The following AKAP4 variants were observed in gnomAD, a reference collection of about 807,000 sequenced individuals.
AKAP4 encodes A-kinase anchoring protein 4.
A neutral mutation model predicts 42.6 loss-of-function variants in AKAP4; 4 were observed. The ratio of observed to expected loss-of-function variants is 0.09; its 90% CI spans 0.05 to 0.22. The LOEUF is 0.22. AKAP4 is among the 10% of genes least tolerant of loss of function. AKAP4 has a pLI of 1.00. For missense variants in AKAP4, 551 were observed against 630.7 expected (o/e 0.87, Z 1.35); for synonymous variants, 223 against 233.0 (o/e 0.96, Z 0.39).
rs199717347 is a variant in AKAP4, at chrX:50,194,169, C to T, written c.544G>A (p.Ala182Thr). ...PQNLRLEMTA[A>T]KNTNNNQSPS... Reference sequence around the variant, plus strand: ...CTTTGATTATTGTTGGTGTTTTTAGCTGCTGTCATTTCTAGACGTAGGTTT... The same window carrying T: ...CTTTGATTATTGTTGGTGTTTTTAGTTGCTGTCATTTCTAGACGTAGGTTT... The change falls in exon 5 of 6, where the codon GCT becomes ACT. Residue 182 changes from alanine to threonine, a missense_variant. Coordinates refer to ENST00000358526, the MANE Select transcript of AKAP4 (RefSeq NM_003886.3). The T allele has an allele frequency of 6.6e-6, 8 of 1,209,833 alleles. No individual in the cohort carries two copies. In the East Asian group the frequency reaches 2.1e-4, roughly 31 times the overall value.
intron 1 of AKAP4, among the ~76,000 whole-genome samples, chrX:50,199,045 A>G (rs1935227612): frequency 9.0e-6 from 1 of 111,289 alleles, no homozygotes; most frequent in Non-Finnish European, 1.9e-5. Flanking sequence ...TTAAAAGGAA[A>G]TCTAGTGACT....
At chrX:50,195,619 A>T (rs1935180691) in intron 4 of AKAP4, among the ~76,000 whole-genome samples, 1 of 110,303 alleles carries the variant, frequency 9.1e-6, no homozygotes, top group Non-Finnish European at 1.9e-5. Context: ...ACTGCATCTG[A>T]CTCTGTATGA....
At chrX:50,196,633 G>C (rs948809035) in intron 4 of AKAP4, among the ~76,000 whole-genome samples, 5 of 111,663 alleles carry the variant, frequency 4.5e-5, no homozygotes, top group African/African-American at 1.6e-4. Flanking sequence ...AAATAGTCTT[G>C]TGTGATTATG....
chrX:50,193,233 C>T lies in AKAP4; in HGVS notation c.1480G>A (p.Glu494Lys). The part of the protein sequence containing the change: ...SDPCKSLTSA[E>K]KVGEHILKEG... ...TTGAGAATGTGTTCACCGACTTTCTCAGCACTAGTCAGTGACTTGCATGGG... is the reference window on the plus strand; with the variant it reads ...TTGAGAATGTGTTCACCGACTTTCTTAGCACTAGTCAGTGACTTGCATGGG... Residue 494 changes from glutamate (E) to lysine (K), a missense_variant, in exon 5 of 6, where the codon GAG becomes AAG. Coordinates refer to ENST00000358526, the MANE Select transcript of AKAP4 (RefSeq NM_003886.3). 8.3e-7 allele frequency: 1 copy of T among 1,211,762 alleles called. No individual in the cohort carries two copies.
chrX:50,193,546 G>A lies in AKAP4; in HGVS notation c.1167C>T (p.Asn389=). 1 of 1,211,639 alleles carries A rather than the reference G, an allele frequency of 8.3e-7. No individual in the cohort carries two copies. Among genetic ancestry groups the A allele is most frequent in the South Asian group, 1.8e-5 (1 of 56,937 alleles). Residue 389 remains asparagine, a synonymous_variant, in exon 5 of 6, where the codon AAC becomes AAT. Transcript: ENST00000358526. ...TCAGGACCCCAGTAATATTATGCAG[G>A]TTCTTCATGCAAGAATCAATCAAAT... ...VSDLIDSCMK[N]LHNITGVLMT...
At chrX:50,199,035 T>G (rs1168269277) in intron 1 of AKAP4, among the ~76,000 whole-genome samples, 5 of 111,281 alleles carry the variant, frequency 4.5e-5, no homozygotes, top group Admixed American at 1.9e-4. Flanking sequence ...GGAATCAAAT[T>G]TAAAAGGAAA....
chrX:50,200,020 C>T (rs1935242999), intron 1 of AKAP4, among the ~76,000 whole-genome samples: 1 of 103,873 alleles, frequency 9.6e-6, no homozygotes, highest in African/African-American at 3.5e-5. Flanking sequence ...TCTTTTTGAA[C>T]TCTTCCTTCA....
At position 50,200,730 on chromosome X, in the gene AKAP4, C is replaced by A; in HGVS notation, c.27+133G>T. The A allele has an allele frequency of 1.0e-5, 6 of 594,780 alleles. No individual in the cohort carries two copies. In the South Asian group the frequency reaches 1.8e-4, roughly 18 times the overall value. 49.0% of individuals were successfully genotyped at this position (594,780 alleles called of 1,213,427 possible). ...TACGTAGAAACAGAGAAATGTTGAT[C>A]AAAATCTTTTCTGGGTATCCCAAAT... On this transcript the variant is annotated intron_variant, in intron 1 of 5. Coordinates refer to ENST00000358526, the MANE Select transcript of AKAP4 (RefSeq NM_003886.3).
chrX:50,197,022 C>T (rs1418078219), intron 3 of AKAP4, 30 bp from the exon 4 acceptor site: 2 of 1,068,541 alleles, frequency 1.9e-6, no homozygotes, highest in African/African-American at 3.7e-5. Flanking sequence ...GATTCTTAAA[C>T]AGTTACTTTT....
intron 3 of AKAP4, 59 bp from the exon 4 acceptor site, chrX:50,197,051 C>T (rs1472316742): frequency 4.8e-6 from 4 of 825,603 alleles, no homozygotes; most frequent in African/African-American, 4.0e-5. Context: ...CTCCAAGCTG[C>T]CCCCCTAGGC....
rs139757404 is a variant in AKAP4 at position 50,194,323 on chromosome X, G to A, written c.390C>T (p.Ser130=). The A allele has an allele frequency of 3.5e-5, 42 of 1,206,312 alleles. No individual in the cohort carries two copies. The East Asian group carries it at 1.2e-3, about 36-fold the overall frequency. The stretch of plus-strand genomic sequence containing the variant: ...TATGTTTACAGGTAGAGGTTGAGGG[G>A]CTCAGTGCATGTTGGAAACCCAAGG... ...KYALGFQHAL[S]PSTSTCKHKV... The change falls in exon 5 of 6, where the codon AGC becomes AGT. Residue 130 remains serine (S), a synonymous_variant. Coordinates refer to ENST00000358526, the MANE Select transcript of AKAP4 (RefSeq NM_003886.3).
chrX:50,194,046 G>T lies in AKAP4; in HGVS notation c.667C>A (p.Arg223=). 1 of 1,211,390 alleles carries T rather than the reference G, an allele frequency of 8.3e-7. No individual in the cohort carries two copies. Among genetic ancestry groups the T allele is most frequent in the Non-Finnish European group, 1.1e-6 (1 of 895,369 alleles). ...SIDDLSFYVN[R]LSSLVIQMAH... is the part of the protein sequence containing the mutation. The stretch of plus-strand genomic sequence containing the variant: ...ATCTGGATTACCAGAGAAGATAGTC[G>T]GTTGACGTAGAAGGAAAGGTCATCT... Residue 223 remains arginine, a synonymous_variant, in exon 5 of 6, where the codon CGA becomes AGA. Transcript: ENST00000358526.
In AKAP4 at chrX:50,197,159, C is replaced by T. The variant is rs143128429; in HGVS notation, c.175-167G>A. Among the ~76,000 whole-genome samples the T allele has an allele frequency of 3.8e-3, 419 of 110,661 alleles. 4 individuals carry two copies. The highest frequency in any genetic ancestry group is 0.013 in the African/African-American group (399 of 30,493). On this transcript the variant is annotated intron_variant, in intron 3 of 5. Transcript: ENST00000358526. The stretch of plus-strand genomic sequence containing the variant: ...GCTAGCTAATCTTTGAAGAATGAGA[C>T]GAAGTTCCCTCCACAAATTACTACT...
chrX:50,197,451 C>G, intron 3 of AKAP4, 93 bp downstream of exon 3: 1 of 833,999 alleles, frequency 1.2e-6, no homozygotes, highest in Middle Eastern at 2.8e-4. Context: ...CCTTTCCCCT[C>G]TCTCCCCCCA....
chrX:50,193,750 C>G lies in AKAP4; in HGVS notation c.963G>C (p.Glu321Asp), dbSNP rs1557204034. The part of the protein sequence containing the change: ...KSGDKQMSQR[E>D]SKEFADSISK... Reference sequence around the variant, plus strand: ...TGATGGAATCTGCAAATTCTTTGCTCTCTCTCTGGGACATCTGTTTGTCTC... The same window carrying G: ...TGATGGAATCTGCAAATTCTTTGCTGTCTCTCTGGGACATCTGTTTGTCTC... Residue 321 changes from glutamate to aspartate, a missense_variant, in exon 5 of 6, where the codon GAG (glutamate) becomes GAC (aspartate). Physicochemically the swap from Glu to Asp is conservative, Grantham distance 45. Coordinates refer to ENST00000358526, the MANE Select transcript of AKAP4 (RefSeq NM_003886.3). 2 of 1,209,867 alleles carry G rather than the reference C, an allele frequency of 1.7e-6. No individual in the cohort carries two copies. The highest frequency in any genetic ancestry group is 2.2e-5 in the Admixed American group (1 of 45,803).
At position 50,193,639 on chromosome X, in the gene AKAP4, C is replaced by A. The variant is rs1380065636; in HGVS notation, c.1074G>T (p.Gly358=). The A allele has an allele frequency of 8.3e-7, 1 of 1,210,246 alleles. No homozygotes were observed. The highest frequency in any genetic ancestry group is 1.7e-5 in the African/African-American group (1 of 57,334). Residue 358 remains glycine, a synonymous_variant, in exon 5 of 6, where the codon GGG becomes GGT. Transcript: ENST00000358526. ...GGACCACAGATGCTGGAATTGGCTTCCCAGAGCTGTGCACTTTCAAGGTCT... is the reference window on the plus strand; with the variant it reads ...GGACCACAGATGCTGGAATTGGCTTACCAGAGCTGTGCACTTTCAAGGTCT... ...LMKTLKVHSS[G]KPIPASVVLK... is the part of the protein sequence containing the mutation.
chrX:50,200,621 T>C (rs1557204763), intron 1 of AKAP4, among the ~76,000 whole-genome samples: 2 of 112,446 alleles, frequency 1.8e-5, no homozygotes, highest in African/African-American at 6.5e-5. Flanking sequence ...TCCCTTCTCT[T>C]TTCATTTCCT....
chrX:50,193,401 C>G lies in AKAP4; in HGVS notation c.1312G>C (p.Glu438Gln). The part of the protein sequence containing the change: ...KRLVSALIGE[E>Q]KETKSQSLSY... Reference sequence around the variant, plus strand: ...AGACTCTGAGACTTAGTCTCCTTCTCCTCACCTATAAGGGCACTGACCAAG... The same window carrying G: ...AGACTCTGAGACTTAGTCTCCTTCTGCTCACCTATAAGGGCACTGACCAAG... The change falls in exon 5 of 6, where the codon GAG becomes CAG. Residue 438 changes from glutamate (E) to glutamine (Q), a missense_variant. Coordinates refer to ENST00000358526, the MANE Select transcript of AKAP4 (RefSeq NM_003886.3). 1 of 1,211,764 alleles carries G rather than the reference C, an allele frequency of 8.3e-7. No homozygotes were observed. Among genetic ancestry groups the G allele is most frequent in the Non-Finnish European group, 1.1e-6 (1 of 895,534 alleles).
chrX:50,200,767 A>G, intron 1 of AKAP4, 96 bp downstream of exon 1: 1 of 836,687 alleles, frequency 1.2e-6, no homozygotes, highest in Non-Finnish European at 1.7e-6. Context: ...AAAGTATGAA[A>G]ATAGAAACTT....
Sources: gnomAD v4.1 joint callset for allele counts (sites outside exome capture counted in the v4.1 genomes callset) on GRCh38, gnomAD v4.1.1 for gene constraint, MANE v1.5 for transcripts, NCBI Gene and HGNC (gene_info 2026-07-23, HGNC 2026-07-21) for gene names.